Variants in ADAMTS6 observed in about 807,000 individuals in gnomAD.
The protein encoded by ADAMTS6 is A disintegrin and metalloproteinase with thrombospondin motifs 6.
Under a neutral mutation model 144.3 loss-of-function variants are expected in ADAMTS6, and 23 were observed. That is an observed-to-expected ratio of 0.16 (90% CI 0.11 to 0.23). The LOEUF (loss-of-function observed/expected upper bound fraction) is 0.23. ADAMTS6 is among the 10% of genes least tolerant of loss of function. ADAMTS6 has a pLI of 1.00. For synonymous variants in ADAMTS6, 444 were observed against 457.5 expected (o/e 0.97, Z 0.38); for missense variants, 999 against 1,379.6 (o/e 0.72, Z 4.37).
chr5:65,190,316 T>C (rs62368036), intron 21 of ADAMTS6, among the ~76,000 whole-genome samples: 22,156 of 152,182 alleles, frequency 0.15, 1,694 homozygotes, highest in Non-Finnish European at 0.17. Context: ...AATTTTCATA[T>C]TCTTTCCTTT....
chr5:65,231,850 C>A (rs1205794332), intron 15 of ADAMTS6, among the ~76,000 whole-genome samples: 1 of 152,128 alleles, frequency 6.6e-6, no homozygotes, highest in Admixed American at 6.5e-5. Context: ...TGGCTCACAC[C>A]TGTAATCTCA....
At chr5:65,436,233 C>T (rs1045141600) in intron 7 of ADAMTS6, among the ~76,000 whole-genome samples, 4 of 152,136 alleles carry the variant, frequency 2.6e-5, no homozygotes, top group East Asian at 3.9e-4. Context: ...CACACACACA[C>T]GCATGCACAC....
At position 65,466,417 on chromosome 5, in the gene ADAMTS6, T is replaced by C. The variant is rs142429113; in HGVS notation, c.462+4361A>G. On this transcript the variant is annotated intron_variant, in intron 3 of 24. Transcript: ENST00000381055. Reference sequence around the variant, plus strand: ...CCTTTCCCTTAGGGTCTTTGCTCAATACTTTTTCCTCCTTGCCATTTATCA... The same window carrying C: ...CCTTTCCCTTAGGGTCTTTGCTCAACACTTTTTCCTCCTTGCCATTTATCA... Among the ~76,000 whole-genome samples the C allele has an allele frequency of 3.2e-4, 48 of 152,358 alleles. No individual in the cohort carries two copies. In the East Asian group the frequency reaches 8.9e-3, roughly 28 times the overall value.
At chr5:65,430,716 G>C (rs1173114538) in intron 7 of ADAMTS6, among the ~76,000 whole-genome samples, 3 of 152,152 alleles carry the variant, frequency 2.0e-5, no homozygotes, top group Admixed American at 6.5e-5. Flanking sequence ...GGGCAAAAAA[G>C]AGCGTGTTTT....
chr5:65,302,892 C>T (rs755873762), intron 9 of ADAMTS6, among the ~76,000 whole-genome samples: 2 of 152,008 alleles, frequency 1.3e-5, no homozygotes, highest in Admixed American at 6.6e-5. Flanking sequence ...TTGAGATTCT[C>T]GACTCCTTAT....
At chr5:65,329,866 A>C (rs1450600511) in intron 8 of ADAMTS6, among the ~76,000 whole-genome samples, 1 of 152,144 alleles carries the variant, frequency 6.6e-6, no homozygotes, top group Non-Finnish European at 1.5e-5. Flanking sequence ...AGATCTGTTT[A>C]AGTTTAGTGG....
chr5:65,229,878 A>G lies in ADAMTS6; in HGVS notation c.1934-3659T>C, dbSNP rs549080159. ...ATGGCTGAAAAATTCCCAAATCTAG[A>G]GAGCAATATGGACATTCAAATACAT... On this transcript the variant is annotated intron_variant, in intron 15 of 24. Transcript: ENST00000381055. Among the ~76,000 whole-genome samples, 96 of 152,264 alleles carry G rather than the reference A, an allele frequency of 6.3e-4. 1 individual carries two copies. Among genetic ancestry groups the G allele is most frequent in the Non-Finnish European group, 1.2e-3 (79 of 68,008 alleles).
chr5:65,300,396 G>A (rs1222496932), intron 9 of ADAMTS6, among the ~76,000 whole-genome samples: 4 of 151,950 alleles, frequency 2.6e-5, no homozygotes, highest in East Asian at 1.9e-4. Context: ...TCTTTGAGCC[G>A]AATATATTGT....
intron 11 of ADAMTS6, among the ~76,000 whole-genome samples, chr5:65,284,168 A>C (rs1192809300): frequency 6.6e-6 from 1 of 152,092 alleles, no homozygotes; most frequent in Non-Finnish European, 1.5e-5. Flanking sequence ...TGGTGGTGAT[A>C]AAATAATAAA....
In ADAMTS6 at chr5:65,170,625, T is replaced by G; in HGVS notation, c.3236A>C (p.Asn1079Thr). ...ESKCDSTPIS[N>T]TEECKDVNKV... is the part of the protein sequence containing the mutation. ...CTCCATGGAAAACTCACCTTCAGTA[T>G]TAGAAATGGGGGTACTGTCACATTT... Residue 1079 changes from asparagine (N) to threonine (T), a missense_variant, in exon 24 of 25, where the codon AAT becomes ACT. Asn to Thr is a moderately conservative substitution (Grantham distance 65). Transcript: ENST00000381055. 6.2e-7 allele frequency: 1 copy of G among 1,614,006 alleles called. No homozygotes were observed.
chr5:65,254,117 T>C (rs1206978068), intron 14 of ADAMTS6, among the ~76,000 whole-genome samples: 2 of 152,064 alleles, frequency 1.3e-5, no homozygotes, highest in African/African-American at 4.8e-5. Flanking sequence ...AGTGCTGGGA[T>C]TACAGGAGCG....
At position 65,148,742 on chromosome 5, in the gene ADAMTS6, T is replaced by C. The variant is rs1309247634; in HGVS notation, c.*3094A>G. Reference sequence around the variant, plus strand: ...AATAGACAACTTCAATCTGTATCATTATTATAAGCTGAATTTTTATTTTAC... The same window carrying C: ...AATAGACAACTTCAATCTGTATCATCATTATAAGCTGAATTTTTATTTTAC... On this transcript the variant is annotated 3_prime_UTR_variant, in exon 25 of 25. Transcript: ENST00000381055. 2 of 152,302 alleles carry C rather than the reference T, an allele frequency of 1.3e-5. No homozygotes were observed. 9.4% of individuals were successfully genotyped at this position (152,302 alleles called of 1,614,324 possible). A position where few individuals can be genotyped will look rare whatever the true frequency, so the allele number is the denominator to read the frequency against.
chr5:65,334,482 G>C (rs1376500520), intron 7 of ADAMTS6, among the ~76,000 whole-genome samples: 1 of 152,146 alleles, frequency 6.6e-6, no homozygotes, highest in African/African-American at 2.4e-5. Context: ...TTTTGTTACA[G>C]ACACAGACTG....
chr5:65,437,139 G>A (rs1348096048), intron 7 of ADAMTS6, among the ~76,000 whole-genome samples: 2 of 149,706 alleles, frequency 1.3e-5, no homozygotes, highest in African/African-American at 4.9e-5. Context: ...CTGTTGTCCA[G>A]GCTGGAGTGC....
intron 7 of ADAMTS6, among the ~76,000 whole-genome samples, chr5:65,367,025 T>C (rs940591299): frequency 1.3e-5 from 2 of 152,140 alleles, no homozygotes; most frequent in Non-Finnish European, 2.9e-5. Context: ...AGTTATTTTA[T>C]GAGACAGGAC....
chr5:65,454,093 T>C (rs558120707), intron 4 of ADAMTS6, among the ~76,000 whole-genome samples: 46 of 152,260 alleles, frequency 3.0e-4, no homozygotes, highest in African/African-American at 9.1e-4. Flanking sequence ...CTGATAAAAA[T>C]AATGAGTTCA....
intron 7 of ADAMTS6, among the ~76,000 whole-genome samples, chr5:65,383,749 C>T (rs1752247508): frequency 1.3e-5 from 2 of 152,136 alleles, no homozygotes; most frequent in Non-Finnish European, 2.9e-5. Context: ...TGGAGACTCT[C>T]TCCAAAGCTC....
In ADAMTS6 at chr5:65,215,464, A is replaced by T. The variant is rs764724913; in HGVS notation, c.2296T>A (p.Tyr766Asn). The change falls in exon 19 of 25, where the codon TAC (tyrosine) becomes AAC (asparagine). Residue 766 changes from tyrosine (Y) to asparagine (N), a missense_variant. Transcript: ENST00000381055. ...YIALKSEGDD[Y>N]YINGAWTIDW... ...ATAGTCCAGGCACCATTAATATAGTAATCATCTCCTTCAGATTTTAAAGCT... is the reference window on the plus strand; with the variant it reads ...ATAGTCCAGGCACCATTAATATAGTTATCATCTCCTTCAGATTTTAAAGCT... 26 of 1,605,342 alleles carry T rather than the reference A, an allele frequency of 1.6e-5. No homozygotes were observed. Among genetic ancestry groups the T allele is most frequent in the African/African-American group, 2.7e-5 (2 of 74,454 alleles).
At chr5:65,273,242 T>A (rs1330983548) in intron 12 of ADAMTS6, 98 bp downstream of exon 12, 66 of 1,005,036 alleles carry the variant, frequency 6.6e-5, no homozygotes, top group Non-Finnish European at 7.6e-5. Flanking sequence ...AAGTAGATTT[T>A]AAATGAATAT....
Sources: gnomAD v4.1 joint callset for allele counts (sites outside exome capture counted in the v4.1 genomes callset) on GRCh38, gnomAD v4.1.1 for gene constraint, MANE v1.5 for transcripts, NCBI Gene and HGNC (gene_info 2026-07-23, HGNC 2026-07-21) for gene names.